Variants in SLC1A7 observed in about 807,000 individuals in gnomAD.
The protein encoded by SLC1A7 is excitatory amino acid transporter 5.
In SLC1A7, 40 loss-of-function variants were observed where a neutral mutation model predicts 47.7. The ratio of observed to expected loss-of-function variants is 0.84; its 90% CI spans 0.65 to 1.09. The LOEUF (loss-of-function observed/expected upper bound fraction) is 1.09. Ranked by LOEUF, SLC1A7 falls within the 50% of genes least tolerant of loss-of-function variation. SLC1A7 has a pLI of 0.00. For missense variants in SLC1A7, 746 were observed against 769.5 expected, an observed-to-expected ratio of 0.97 and a Z score of 0.36; for synonymous variants, 323 against 325.6, an observed-to-expected ratio of 0.99 and a Z score of 0.09.
At chr1:53,098,152 ACT>A (rs1281054191) in intron 5 of SLC1A7, among the ~76,000 whole-genome samples, 1 of 146,558 alleles carries the variant, frequency 6.8e-6, no homozygotes, top group African/African-American at 2.6e-5. Context: ...GTCTTGGTAA[ACT>A]CACACACCCC....
intron 2 of SLC1A7, among the ~76,000 whole-genome samples, chr1:53,133,697 C>A (rs1046983506): frequency 1.1e-4 from 17 of 152,126 alleles, no homozygotes; most frequent in African/African-American, 4.1e-4. Flanking sequence ...AAGTGATCTC[C>A]CATGATTTCC....
At chr1:53,088,405 C>T (rs1282000501) in intron 10 of SLC1A7, among the ~76,000 whole-genome samples, 178 bp from the exon 11 acceptor site, 2 of 152,154 alleles carry the variant, frequency 1.3e-5, no homozygotes, top group African/African-American at 4.8e-5. Context: ...TGTTCCCAAG[C>T]GTCCTGCCTC....
At position 53,142,403 on chromosome 1, in the gene SLC1A7, C is replaced by T. The variant is rs747576180; in HGVS notation, c.47G>A (p.Arg16Gln). Residue 16 changes from arginine to glutamine, a missense_variant, in exon 1 of 11, where the codon CGG becomes CAG. Physicochemically the swap from Arg to Gln is conservative, Grantham distance 43 (BLOSUM62 1). Coordinates refer to ENST00000371494, the MANE Select transcript of SLC1A7 (RefSeq NM_006671.6). ...CACAGACAGGATGAGGAGTCCATTC[C>T]GCCTGCACACGTCCCTCCCCCGTGC... ...ILARGRDVCR[R>Q]NGLLILSVLS... is the part of the protein sequence containing the mutation. The T allele has an allele frequency of 8.1e-6, 13 of 1,610,652 alleles. No homozygotes were observed. The highest frequency in any genetic ancestry group is 1.7e-4 in the Middle Eastern group (1 of 6,052).
At chr1:53,097,519 CCCTG>C (rs1644511265) in intron 5 of SLC1A7, among the ~76,000 whole-genome samples, 1 of 149,844 alleles carries the variant, frequency 6.7e-6, no homozygotes, top group African/African-American at 2.5e-5. Context: ...CACTCACACA[CCCTG>C]CCTTGGTACA....
chr1:53,108,895 C>T (rs993259492), intron 3 of SLC1A7, among the ~76,000 whole-genome samples: 2 of 152,174 alleles, frequency 1.3e-5, no homozygotes, highest in Non-Finnish European at 2.9e-5. Context: ...ATGAATTTAT[C>T]CTGCAGATTT....
chr1:53,107,111 GCAC>G (rs1407552233), intron 3 of SLC1A7, among the ~76,000 whole-genome samples: 2 of 131,588 alleles, frequency 1.5e-5, no homozygotes, highest in East Asian at 4.9e-4. Flanking sequence ...AGCTGAGATC[GCAC>G]CACTGCACTC....
chr1:53,122,686 C>T (rs771883001), intron 2 of SLC1A7, among the ~76,000 whole-genome samples: 1 of 152,142 alleles, frequency 6.6e-6, no homozygotes, highest in Non-Finnish European at 1.5e-5. Context: ...CACACCCTCC[C>T]AAGGGCAGAA....
chr1:53,090,367 G>A, intron 8 of SLC1A7: 1 of 600,736 alleles, frequency 1.7e-6, no homozygotes, highest in Non-Finnish European at 2.8e-6. Flanking sequence ...GTTGGCTCCT[G>A]CCACACGGGC....
intron 3 of SLC1A7, among the ~76,000 whole-genome samples, chr1:53,107,462 T>G (rs915249989): frequency 1.3e-5 from 2 of 152,230 alleles, no homozygotes; most frequent in Non-Finnish European, 2.9e-5. Flanking sequence ...ACCCTAGTTA[T>G]GTAAACCGCT....
rs1271031194 is a variant in SLC1A7, at chr1:53,088,075, C to T, written c.1617G>A (p.Glu539=). 1.2e-6 allele frequency: 2 copies of T among 1,608,720 alleles called. No homozygotes were observed. The highest frequency in any genetic ancestry group is 1.7e-6 in the Non-Finnish European group (2 of 1,176,734). Reference sequence around the variant, plus strand: ...GGTTCAGACTCGCAGCGGGCAGCTCCTCATCCTGCTCCACTTGAACGGGGA... The same window carrying T: ...GGTTCAGACTCGCAGCGGGCAGCTCTTCATCCTGCTCCACTTGAACGGGGA... The part of the protein sequence containing the change: ...HHVPVQVEQD[E]ELPAASLNHC... Residue 539 remains glutamate (E), a synonymous_variant, in exon 11 of 11, where the codon GAG becomes GAA. Transcript: ENST00000371494.
At chr1:53,130,559 G>T (rs1644933041) in intron 2 of SLC1A7, among the ~76,000 whole-genome samples, 1 of 151,552 alleles carries the variant, frequency 6.6e-6, no homozygotes, top group African/African-American at 2.4e-5. Context: ...GCCTTCCTGG[G>T]TCACAGCTTG....
chr1:53,110,643 G>T (rs192594616), intron 3 of SLC1A7, among the ~76,000 whole-genome samples: 1 of 152,176 alleles, frequency 6.6e-6, no homozygotes, highest in Non-Finnish European at 1.5e-5. Flanking sequence ...TGGAGAAGCC[G>T]TTCTGAATCA....
chr1:53,104,130 C>G (rs974677185), intron 4 of SLC1A7, among the ~76,000 whole-genome samples: 1 of 152,116 alleles, frequency 6.6e-6, no homozygotes, highest in African/African-American at 2.4e-5. Context: ...ACTGGGAGCC[C>G]AAAAAGGGAG....
rs1184762883 is a variant in SLC1A7, at chr1:53,100,440, G to A, written c.697+2906C>T. Among the ~76,000 whole-genome samples, 7 of 138,996 alleles carry A rather than the reference G, an allele frequency of 5.0e-5. No individual in the cohort carries two copies. In the Admixed American group the frequency reaches 5.1e-4, roughly 10 times the overall value. 91.2% of individuals were successfully genotyped at this position (138,996 alleles called of 152,430 possible). On this transcript the variant is annotated intron_variant, in intron 5 of 10. Transcript: ENST00000371494. Reference sequence around the variant, plus strand: ...ACGTCTTGTTTCAGTACACTCACACGTCCCACCTCGGTCCACTCATACACA... The same window carrying A: ...ACGTCTTGTTTCAGTACACTCACACATCCCACCTCGGTCCACTCATACACA...
Position 53,121,402 on chromosome 1 carries a change from A to T in SLC1A7, c.216-6429T>A, listed in dbSNP as rs1348566778. Among the ~76,000 whole-genome samples the T allele has an allele frequency of 2.0e-5, 3 of 152,352 alleles. No individual in the cohort carries two copies. In the East Asian group the frequency reaches 5.8e-4, roughly 29 times the overall value. ...TGTTGTGTGTCTGTGTGACATCGAGACAGTTGGCACCAGAAATCTGGGAAG... is the reference window on the plus strand; with the variant it reads ...TGTTGTGTGTCTGTGTGACATCGAGTCAGTTGGCACCAGAAATCTGGGAAG... On this transcript the variant is annotated intron_variant, in intron 2 of 10. Coordinates refer to ENST00000371494, the MANE Select transcript of SLC1A7 (RefSeq NM_006671.6).
intron 3 of SLC1A7, among the ~76,000 whole-genome samples, chr1:53,106,085 C>T (rs557285404): frequency 6.6e-6 from 1 of 152,190 alleles, no homozygotes; most frequent in East Asian, 1.9e-4. Context: ...TTCCTCTGTC[C>T]AGCCCTCCCT....
intron 1 of SLC1A7, among the ~76,000 whole-genome samples, chr1:53,139,549 C>A (rs1645035272): frequency 6.6e-6 from 1 of 152,208 alleles, no homozygotes; most frequent in Admixed American, 6.5e-5. Context: ...AGGGGTCTAA[C>A]TGCTCTGGTT....
chr1:53,103,087 A>C, intron 5 of SLC1A7: 14 of 378,310 alleles, frequency 3.7e-5, no homozygotes, highest in Non-Finnish European at 4.7e-5. Flanking sequence ...AGCAAAGGGA[A>C]GGGTGTGGCA....
At chr1:53,127,175 G>A (rs906268773) in intron 2 of SLC1A7, among the ~76,000 whole-genome samples, 5 of 151,652 alleles carry the variant, frequency 3.3e-5, no homozygotes, top group African/African-American at 1.2e-4. Flanking sequence ...CTGATGGTGA[G>A]ACTTTCCCTG....
Sources: allele counts gnomAD v4.1 joint callset (sites outside exome capture counted in the v4.1 genomes callset), GRCh38; gene constraint gnomAD v4.1.1; transcripts MANE v1.5; gene names NCBI Gene and HGNC (gene_info 2026-07-23, HGNC 2026-07-21).